LRRIQ1: variants seen among roughly 807,000 people sequenced by gnomAD.
LRRIQ1 encodes leucine rich repeats and IQ motif containing 1, also known as leucine-rich repeat- and IQ domain-containing protein 1.
A neutral mutation model predicts 211.9 loss-of-function variants in LRRIQ1; 210 were observed. The ratio of observed to expected loss-of-function variants is 0.99; its 90% CI spans 0.89 to 1.11. The LOEUF is 1.11. Among genes scored for constraint, LRRIQ1 ranks in the 50% most tolerant of loss-of-function variants. LRRIQ1 has a pLI of 0.00. For missense variants in LRRIQ1, 2,136 were observed against 1,939.5 expected (o/e 1.10, Z -1.90); for synonymous variants, 699 against 650.1 (o/e 1.08, Z -1.14).
chr12:85,158,843 C>A (rs1890704605), intron 23 of LRRIQ1, among the ~76,000 whole-genome samples: 2 of 146,356 alleles, frequency 1.4e-5, no homozygotes, highest in African/African-American at 2.7e-5. Context: ...ATACTGTTTA[C>A]AATTACCTTA....
At chr12:85,097,880 A>G (rs1336550300) in intron 11 of LRRIQ1, among the ~76,000 whole-genome samples, 1 of 152,176 alleles carries the variant, frequency 6.6e-6, no homozygotes, top group African/African-American at 2.4e-5. Context: ...GAGGTCCCTC[A>G]TGACAATATT....
chr12:85,154,130 A>G (rs1890408204), intron 23 of LRRIQ1, 36 bp downstream of exon 23: 3 of 1,179,856 alleles, frequency 2.5e-6, no homozygotes, highest in East Asian at 2.7e-5. Context: ...ATAACTGTGT[A>G]TGGAAAATTG....
chr12:85,103,885 T>A (rs927450035), intron 13 of LRRIQ1, 119 bp from the exon 14 acceptor site: 4 of 399,416 alleles, frequency 1.0e-5, no homozygotes, highest in Non-Finnish European at 1.3e-5. Flanking sequence ...TATAAAATTG[T>A]ATAAAATGTG....
chr12:85,160,529 A>T, intron 23 of LRRIQ1, 84 bp from the exon 24 acceptor site: 1 of 729,798 alleles, frequency 1.4e-6, no homozygotes. Context: ...TTTTTTTACT[A>T]CCACCATATA....
At chr12:85,230,298 A>G (rs1381209150) in intron 25 of LRRIQ1, among the ~76,000 whole-genome samples, 1 of 152,216 alleles carries the variant, frequency 6.6e-6, no homozygotes, top group Non-Finnish European at 1.5e-5. Flanking sequence ...AAATTATTTT[A>G]TCTCACTCAG....
chr12:85,059,246 C>G (rs1881495660), intron 8 of LRRIQ1, among the ~76,000 whole-genome samples: 2 of 151,990 alleles, frequency 1.3e-5, no homozygotes, highest in Admixed American at 1.3e-4. Flanking sequence ...ATTCATTTTG[C>G]TTACATTAAT....
intron 26 of LRRIQ1, among the ~76,000 whole-genome samples, chr12:85,235,258 T>C (rs1319904043): frequency 6.6e-6 from 1 of 152,186 alleles, no homozygotes; most frequent in African/African-American, 2.4e-5. Context: ...TTATATTTAA[T>C]TGACTAAATG....
chr12:85,246,824 A>G (rs1306142842), downstream of LRRIQ1, among the ~76,000 whole-genome samples: 2 of 151,568 alleles, frequency 1.3e-5, no homozygotes, highest in Non-Finnish European at 3.0e-5. Flanking sequence ...ATCAAATACT[A>G]CTTGCTTAAT....
At chr12:85,100,966 T>C (rs1886304154) in intron 13 of LRRIQ1, among the ~76,000 whole-genome samples, 1 of 151,824 alleles carries the variant, frequency 6.6e-6, no homozygotes, top group African/African-American at 2.4e-5. Flanking sequence ...CAAATCTATG[T>C]TTAAATATTG....
At chr12:85,052,829 T>A (rs904803506) in intron 7 of LRRIQ1, among the ~76,000 whole-genome samples, 3 of 152,016 alleles carry the variant, frequency 2.0e-5, no homozygotes, top group Admixed American at 6.6e-5. Context: ...TGGTTAAGCA[T>A]GTAAAGAGAC....
chr12:85,151,839 TAAAA>T (rs986159571), intron 19 of LRRIQ1, among the ~76,000 whole-genome samples: 1 of 151,374 alleles, frequency 6.6e-6, no homozygotes, highest in African/African-American at 2.4e-5. Context: ...TTTGTGAAAA[TAAAA>T]AAAATTTAAG....
At chr12:85,206,170 G>C (rs1276584402) in intron 24 of LRRIQ1, among the ~76,000 whole-genome samples, 3 of 152,198 alleles carry the variant, frequency 2.0e-5, no homozygotes, top group African/African-American at 7.2e-5. Context: ...CTGACTTCCA[G>C]GTGGGCTTTG....
In LRRIQ1 at chr12:85,065,342, C is replaced by G; in HGVS notation, c.2472C>G (p.Ser824=). 6.2e-7 allele frequency: 1 copy of G among 1,611,010 alleles called. No homozygotes were observed. Residue 824 remains serine, a synonymous_variant, in exon 9 of 27, where the codon TCC becomes TCG. Transcript: ENST00000393217. ...AGTGTACAAATCTTCAGTTTCTATC[C>G]CTTCGACGCTGTGGATTAACTTCTT... is the stretch of plus-strand genomic sequence containing the variant. ...LAECTNLQFL[S]LRRCGLTSLH...
chr12:85,127,138 A>C (rs1888423714), intron 17 of LRRIQ1, among the ~76,000 whole-genome samples: 1 of 152,210 alleles, frequency 6.6e-6, no homozygotes, highest in Admixed American at 6.5e-5. Context: ...GTAAGAGTTA[A>C]ATTACTAAAC....
chr12:85,232,135 A>G (rs1012501342), intron 25 of LRRIQ1, among the ~76,000 whole-genome samples: 1 of 152,118 alleles, frequency 6.6e-6, no homozygotes, highest in Non-Finnish European at 1.5e-5. Context: ...TTTAAACAAT[A>G]AGCAATTGTT....
downstream of LRRIQ1, among the ~76,000 whole-genome samples, chr12:85,264,990 G>C (rs1484114943): frequency 6.6e-6 from 1 of 152,014 alleles, no homozygotes; most frequent in Non-Finnish European, 1.5e-5. Context: ...GAAGTGCTAG[G>C]TAGGGGGTGT....
chr12:85,176,326 A>G (rs1004820313), intron 24 of LRRIQ1, among the ~76,000 whole-genome samples: 3 of 152,046 alleles, frequency 2.0e-5, no homozygotes, highest in Middle Eastern at 3.4e-3. Context: ...TTGGTGTATA[A>G]GAATGCCTGT....
chr12:85,268,244 A>T (rs1435022051), downstream of LRRIQ1, among the ~76,000 whole-genome samples: 4 of 152,024 alleles, frequency 2.6e-5, no homozygotes, highest in African/African-American at 7.2e-5. Context: ...TCAAATACAT[A>T]AATCTTAAGC....
At chr12:85,201,656 T>A (rs1238954307) in intron 24 of LRRIQ1, among the ~76,000 whole-genome samples, 2 of 152,144 alleles carry the variant, frequency 1.3e-5, no homozygotes, top group African/African-American at 2.4e-5. Context: ...TTACTGATTG[T>A]GTTTGTGTGG....
Sources: allele counts gnomAD v4.1 joint callset (sites outside exome capture counted in the v4.1 genomes callset), GRCh38; gene constraint gnomAD v4.1.1; transcripts MANE v1.5; gene names NCBI Gene and HGNC (gene_info 2026-07-23, HGNC 2026-07-21).